CABLES1: variants seen among roughly 807,000 people sequenced by gnomAD.
CABLES1 encodes CDK5 and ABL1 enzyme substrate 1.
In CABLES1, 36 loss-of-function variants were observed where a neutral mutation model predicts 57.8. The ratio of observed to expected loss-of-function variants is 0.62; its 90% CI spans 0.48 to 0.82. The LOEUF (loss-of-function observed/expected upper bound fraction) is 0.82. Among genes scored for constraint, CABLES1 ranks in the 40% least tolerant of loss-of-function variants. CABLES1 has a pLI of 0.00. For missense variants in CABLES1, 767 were observed against 836.6 expected (o/e 0.92, Z 1.03); for synonymous variants, 374 against 363.0 (o/e 1.03, Z -0.35).
At chr18:23,229,740 C>A (rs1387037149) in intron 4 of CABLES1, among the ~76,000 whole-genome samples, 1 of 152,170 alleles carries the variant, frequency 6.6e-6, no homozygotes, top group African/African-American at 2.4e-5. Context: ...AGCGAATCTC[C>A]ACCATTCAGA....
rs760841933 is a variant in CABLES1 at position 23,196,878 on chromosome 18, G to T, written c.1010+2338G>T. On this transcript the variant is annotated intron_variant, in intron 3 of 9. Coordinates refer to ENST00000256925, the MANE Select transcript of CABLES1 (RefSeq NM_001100619.3). The stretch of plus-strand genomic sequence containing the variant: ...TGAGTCTCCTTGGGACCCCTGATGA[G>T]CACAGCCCAGGCTCTCAGTCTGCGG... 10 of 152,346 alleles carry T rather than the reference G, an allele frequency of 6.6e-5. No homozygotes were observed. In the East Asian group the frequency reaches 1.9e-3, roughly 29 times the overall value. 9.4% of individuals were successfully genotyped at this position (152,346 alleles called of 1,614,324 possible).
At chr18:23,158,531 A>T (rs1667620623) in intron 1 of CABLES1, among the ~76,000 whole-genome samples, 4 of 152,214 alleles carry the variant, frequency 2.6e-5, no homozygotes. Flanking sequence ...CATCGTACAC[A>T]GCCAGTAAGG....
chr18:23,211,817 G>A (rs898871806), intron 3 of CABLES1, among the ~76,000 whole-genome samples: 27 of 152,200 alleles, frequency 1.8e-4, no homozygotes, highest in African/African-American at 4.6e-4. Flanking sequence ...TGGCTGTTAC[G>A]TCTCTGTAGG....
In CABLES1 at chr18:23,234,599, T is replaced by A. The variant is rs1172360540; in HGVS notation, c.1089-9T>A. Reference sequence around the variant, plus strand: ...AAGCATTTTTTTTTCCTCTGACTTGTCCTCCCAGGGACTTGAAGTTGGACG... The same window carrying A: ...AAGCATTTTTTTTTCCTCTGACTTGACCTCCCAGGGACTTGAAGTTGGACG... On this transcript the variant is annotated splice_polypyrimidine_tract_variant and intron_variant, in intron 4 of 9. Coordinates refer to ENST00000256925, the MANE Select transcript of CABLES1 (RefSeq NM_001100619.3). The A allele has an allele frequency of 1.2e-6, 2 of 1,610,550 alleles. No individual in the cohort carries two copies. The highest frequency in any genetic ancestry group is 2.2e-5 in the South Asian group (2 of 90,938).
chr18:23,224,082 G>C (rs2047509517), intron 4 of CABLES1, among the ~76,000 whole-genome samples: 1 of 150,914 alleles, frequency 6.6e-6, no homozygotes, highest in South Asian at 2.1e-4. Context: ...GTCTTTTAAA[G>C]CTGGAAGGAA....
chr18:23,176,626 T>C (rs2047124843), intron 1 of CABLES1, among the ~76,000 whole-genome samples: 1 of 152,072 alleles, frequency 6.6e-6, no homozygotes, highest in South Asian at 2.1e-4. Context: ...TCAGCAGGCT[T>C]CCAGAAAGGA....
chr18:23,134,868 T>C (rs935379481), upstream of CABLES1, among the ~76,000 whole-genome samples: 1 of 152,154 alleles, frequency 6.6e-6, no homozygotes, highest in Non-Finnish European at 1.5e-5. Flanking sequence ...CGTGCATTTA[T>C]CCCGGGGGCT....
At chr18:23,227,376 C>T (rs764594694) in intron 4 of CABLES1, among the ~76,000 whole-genome samples, 1 of 152,214 alleles carries the variant, frequency 6.6e-6, no homozygotes, top group Non-Finnish European at 1.5e-5. Context: ...ATGGATGACT[C>T]ATGCCATTAT....
At chr18:23,176,852 T>C (rs1390619463) in intron 1 of CABLES1, among the ~76,000 whole-genome samples, 2 of 152,140 alleles carry the variant, frequency 1.3e-5, no homozygotes, top group African/African-American at 4.8e-5. Flanking sequence ...AAGGTCATGC[T>C]GGACACCAAG....
chr18:23,260,277 C>T lies in CABLES1; in HGVS notation c.*2910C>T, dbSNP rs543592242. On this transcript the variant is annotated 3_prime_UTR_variant, in exon 10 of 10. Transcript: ENST00000256925. ...TGTTTTCCTTGGCATTTTGTTGTTC[C>T]GATCACAGATTTCCCTGCCAGGGTG... The T allele has an allele frequency of 2.0e-5, 3 of 152,290 alleles. No homozygotes were observed. The highest frequency in any genetic ancestry group is 2.1e-4 in the South Asian group (1 of 4,826). The allele number at this position is 152,290 out of a possible 1,614,324, so 9.4% of individuals were successfully genotyped here.
intron 4 of CABLES1, among the ~76,000 whole-genome samples, chr18:23,221,067 G>A (rs973939752): frequency 6.6e-6 from 1 of 152,154 alleles, no homozygotes; most frequent in African/African-American, 2.4e-5. Context: ...AGCACCTTCA[G>A]GAAGCCATTT....
intron 7 of CABLES1, among the ~76,000 whole-genome samples, chr18:23,248,512 CTTTTTTTTTTTT>C (rs59555750): frequency 1.4e-4 from 13 of 90,714 alleles, no homozygotes; most frequent in Non-Finnish European, 2.3e-4. Context: ...GACCCTATGT[CTTTTTTTTTTTT>C]TTTTTTTTTT....
intron 4 of CABLES1, among the ~76,000 whole-genome samples, chr18:23,224,670 G>A (rs897748667): frequency 2.8e-5 from 4 of 143,596 alleles, no homozygotes; most frequent in Admixed American, 1.5e-4. Context: ...CTGGGTTCAC[G>A]CCATTCTCCT....
intron 2 of CABLES1, among the ~76,000 whole-genome samples, chr18:23,192,600 C>G (rs1203707248): frequency 1.3e-5 from 2 of 152,232 alleles, no homozygotes; most frequent in African/African-American, 4.8e-5. Context: ...CTCAGATTGA[C>G]TGGCCCAGGA....
chr18:23,147,917 T>G (rs952971499), intron 1 of CABLES1, among the ~76,000 whole-genome samples: 2 of 151,698 alleles, frequency 1.3e-5, no homozygotes, highest in Non-Finnish European at 2.9e-5. Context: ...ACCCAACTTT[T>G]GTCACTCGTT....
At position 23,244,561 on chromosome 18, in the gene CABLES1, G is replaced by A. The variant is rs45571836; in HGVS notation, c.1446+7316G>A. Among the ~76,000 whole-genome samples the A allele has an allele frequency of 1.0e-3, 153 of 152,356 alleles. 1 individual carries two copies. The highest frequency in any genetic ancestry group is 1.6e-3 in the Non-Finnish European group (110 of 68,026). On this transcript the variant is annotated intron_variant, in intron 7 of 9. Coordinates refer to ENST00000256925, the MANE Select transcript of CABLES1 (RefSeq NM_001100619.3). ...ATCTGTTGGTGGTTAGATAGATTTA[G>A]TCGAGGGCCACCGTTGCTTAATTAC...
intron 3 of CABLES1, 141 bp downstream of exon 3, chr18:23,194,681 G>T (rs770990602): frequency 1.6e-5 from 10 of 615,890 alleles, no homozygotes; most frequent in South Asian, 1.2e-4. Flanking sequence ...AACCTTCCCC[G>T]ACAATTTCCA....
In CABLES1 at chr18:23,210,937, G is replaced by A. The variant is rs114833532; in HGVS notation, c.1011-3040G>A. Among the ~76,000 whole-genome samples, 1,259 of 152,214 alleles carry A rather than the reference G, an allele frequency of 8.3e-3. 17 individuals are homozygous for A. The highest frequency in any genetic ancestry group is 0.029 in the African/African-American group (1,185 of 41,536). ...AGCCGCTTGAGACTGGCCAACCAGG[G>A]AAGTAGCAACCCTACTGGAATTGTT... On this transcript the variant is annotated intron_variant, in intron 3 of 9. Coordinates refer to ENST00000256925, the MANE Select transcript of CABLES1 (RefSeq NM_001100619.3).
At chr18:23,205,124 C>T (rs1427095252) in intron 3 of CABLES1, among the ~76,000 whole-genome samples, 1 of 151,514 alleles carries the variant, frequency 6.6e-6, no homozygotes, top group Admixed American at 6.6e-5. Context: ...ATGCAGCTAC[C>T]AGGGCTGTTC....
Sources: gnomAD v4.1 joint callset for allele counts (sites outside exome capture counted in the v4.1 genomes callset) on GRCh38, gnomAD v4.1.1 for gene constraint, MANE v1.5 for transcripts, NCBI Gene and HGNC (gene_info 2026-07-23, HGNC 2026-07-21) for gene names.